Variants in TTBK2 observed in about 807,000 individuals in gnomAD.
TTBK2 encodes the protein tau-tubulin kinase 2.
In TTBK2, 28 loss-of-function variants were observed where a neutral mutation model predicts 110.8. That is an observed-to-expected ratio of 0.25 (90% CI 0.19 to 0.35). TTBK2 has a LOEUF of 0.35. Ranked by LOEUF, TTBK2 falls within the 10% of genes least tolerant of loss-of-function variation. The pLI is 1.00. For synonymous variants in TTBK2, 532 were observed against 527.3 expected (o/e 1.01, Z -0.12); for missense variants, 1,369 against 1,500.3 (o/e 0.91, Z 1.45).
At chr15:42,782,427 T>C (rs1292516438) in intron 11 of TTBK2, among the ~76,000 whole-genome samples, 1 of 152,196 alleles carries the variant, frequency 6.6e-6, no homozygotes, top group Non-Finnish European at 1.5e-5. Flanking sequence ...CCATAAGACA[T>C]GTTCCCAACT....
intron 1 of TTBK2, among the ~76,000 whole-genome samples, chr15:42,880,828 T>C (rs1486739266): frequency 6.6e-6 from 1 of 151,458 alleles, no homozygotes; most frequent in Non-Finnish European, 1.5e-5. Flanking sequence ...TAAAAAACAC[T>C]AAAAATAAAG....
chr15:42,745,844 G>A lies in TTBK2; in HGVS notation c.3686C>T (p.Thr1229Ile), dbSNP rs1227379792. 4 of 1,614,156 alleles carry A rather than the reference G, an allele frequency of 2.5e-6. No homozygotes were observed. The highest frequency in any genetic ancestry group is 2.5e-6 in the Non-Finnish European group (3 of 1,180,030). ...SGSLHHHSAS[T>I]KTPQGKSKPA... The stretch of plus-strand genomic sequence containing the variant: ...CTTACTCTTCCCTTGGGGGGTTTTA[G>A]TGCTGGCTGAGTGGTGGTGGAGGCT... Residue 1229 changes from threonine to isoleucine, a missense_variant, in exon 15 of 15, where the codon ACT (threonine) becomes ATT (isoleucine). Physicochemically the swap from Thr to Ile is moderately conservative, Grantham distance 89. Around this residue, in one of 4 missense-constraint regions of TTBK2, gnomAD observed 1,097 missense variants for 1,114.7 expected, o/e 0.98. Coordinates refer to ENST00000267890, the MANE Select transcript of TTBK2 (RefSeq NM_173500.4).
intron 1 of TTBK2, among the ~76,000 whole-genome samples, chr15:42,888,378 T>A (rs1302493862): frequency 1.3e-5 from 2 of 152,042 alleles, no homozygotes; most frequent in African/African-American, 2.4e-5. Context: ...CGTGACTGTA[T>A]CTCTCTGATA....
At chr15:42,917,081 G>A (rs2031120678) in intron 1 of TTBK2, among the ~76,000 whole-genome samples, 1 of 152,040 alleles carries the variant, frequency 6.6e-6, no homozygotes, top group African/African-American at 2.4e-5. Flanking sequence ...TCTTTAGGAG[G>A]CACTATTACA....
chr15:42,808,732 T>C, intron 9 of TTBK2, among the ~76,000 whole-genome samples: 1 of 151,152 alleles, frequency 6.6e-6, no homozygotes, highest in African/African-American at 2.4e-5. Context: ...CACTTGTAGA[T>C]CAAGCTACTC....
At chr15:42,915,422 C>T (rs764470503) in intron 1 of TTBK2, among the ~76,000 whole-genome samples, 36 of 152,150 alleles carry the variant, frequency 2.4e-4, no homozygotes, top group African/African-American at 8.0e-4. Flanking sequence ...TGGCATATTA[C>T]GATAACTGTT....
rs1270693731 is a variant in TTBK2, at chr15:42,853,058, T to A, written c.218-12625A>T. 2.6e-5 allele frequency among the ~76,000 whole-genome samples: 4 copies of A among 152,160 alleles called. No homozygotes were observed. The East Asian group carries it at 5.8e-4, about 22-fold the overall frequency. On this transcript the variant is annotated intron_variant, in intron 3 of 14. Coordinates refer to ENST00000267890, the MANE Select transcript of TTBK2 (RefSeq NM_173500.4). Reference sequence around the variant, plus strand: ...TCCAGAAATTACATATTTCTTCTATTCTTATGACTGGGAAAAAGGAGCAGT... The same window carrying A: ...TCCAGAAATTACATATTTCTTCTATACTTATGACTGGGAAAAAGGAGCAGT...
At chr15:42,810,833 G>T (rs1441502996) in intron 8 of TTBK2, 94 bp from the exon 9 acceptor site, 4 of 1,415,580 alleles carry the variant, frequency 2.8e-6, no homozygotes, top group Non-Finnish European at 4.0e-6. Context: ...TATGTACTAG[G>T]GAATGAGATA....
chr15:42,772,549 G>T (rs1325335630), intron 13 of TTBK2, among the ~76,000 whole-genome samples: 1 of 152,188 alleles, frequency 6.6e-6, no homozygotes, highest in Non-Finnish European at 1.5e-5. Flanking sequence ...GTTTAACGAT[G>T]CTAAATTTGG....
intron 1 of TTBK2, among the ~76,000 whole-genome samples, chr15:42,883,061 T>C (rs1374667267): frequency 1.3e-5 from 2 of 152,062 alleles, no homozygotes; most frequent in Admixed American, 6.6e-5. Flanking sequence ...GGATTTCCAA[T>C]GTAAACAGAT....
rs764592156 is a variant in TTBK2 at position 42,746,015 on chromosome 15, C to A, written c.3515G>T (p.Gly1172Val). The change falls in exon 15 of 15, where the codon GGA (glycine) becomes GTA (valine). Residue 1172 changes from glycine to valine, a missense_variant. Transcript: ENST00000267890. ...ACTCCTCTGGTCATGGTGGGGCCGT[C>A]CAGCCCTAGATGGTGAGGAACTAGA... ...RTSSSSPSRAGRPHHDQRSSS... is the reference protein window; with the variant it reads ...RTSSSSPSRAVRPHHDQRSSS... The A allele has an allele frequency of 6.8e-6, 11 of 1,614,064 alleles. No individual in the cohort carries two copies. The highest frequency in any genetic ancestry group is 8.5e-6 in the Non-Finnish European group (10 of 1,180,052).
chr15:42,825,172 A>G (rs1181018042), intron 6 of TTBK2, among the ~76,000 whole-genome samples: 2 of 152,118 alleles, frequency 1.3e-5, no homozygotes, highest in Non-Finnish European at 2.9e-5. Flanking sequence ...GAAGAGGGAG[A>G]GAGGCACTGG....
In TTBK2 at chr15:42,752,290, T is replaced by A; in HGVS notation, c.2956A>T (p.Arg986Ter). Residue 986 changes from arginine (R) to a stop codon, truncating the protein, a stop_gained, in exon 14 of 15, where the codon AGA becomes TGA. Coordinates refer to ENST00000267890, the MANE Select transcript of TTBK2 (RefSeq NM_173500.4). LOFTEE classifies it high-confidence loss of function. ...PDLVKLLVEK[R>*]QFKSFLGDLS... ...TCGCCAAGGAAGGACTTGAATTGTCTTTTTTCCACCAGAAGCTTGACTAGG... is the reference window on the plus strand; with the variant it reads ...TCGCCAAGGAAGGACTTGAATTGTCATTTTTCCACCAGAAGCTTGACTAGG... The A allele has an allele frequency of 6.2e-7, 1 of 1,614,196 alleles. No homozygotes were observed. Among genetic ancestry groups the A allele is most frequent in the African/African-American group, 1.3e-5 (1 of 75,050 alleles).
At chr15:42,881,496 T>C (rs759688828) in intron 1 of TTBK2, among the ~76,000 whole-genome samples, 53 of 151,382 alleles carry the variant, frequency 3.5e-4, no homozygotes, top group Non-Finnish European at 6.6e-4. Context: ...TCAGGAAAAA[T>C]ATTCCAAAAA....
chr15:42,739,965 T>C lies in TTBK2; in HGVS notation c.*5830A>G, dbSNP rs924993500. On this transcript the variant is annotated 3_prime_UTR_variant, in exon 15 of 15. Coordinates refer to ENST00000267890, the MANE Select transcript of TTBK2 (RefSeq NM_173500.4). ...AAAAACTTGGTTTACTCAATGTTTT[T>C]AATTAGGCGAGTGAACACTTATGTA... 3.3e-5 allele frequency: 5 copies of C among 152,228 alleles called. No homozygotes were observed. Among genetic ancestry groups the C allele is most frequent in the Admixed American group, 6.5e-5 (1 of 15,272 alleles). The allele number at this position is 152,228 out of a possible 1,614,324, so 9.4% of individuals were successfully genotyped here.
At chr15:42,911,496 C>G (rs1047965335) in intron 1 of TTBK2, among the ~76,000 whole-genome samples, 10 of 152,138 alleles carry the variant, frequency 6.6e-5, no homozygotes, top group African/African-American at 2.4e-4. Flanking sequence ...TGGGGTTGGC[C>G]ATGTGATTTG....
chr15:42,919,814 T>G, intron 1 of TTBK2: 1 of 985,448 alleles, frequency 1.0e-6, no homozygotes, highest in Non-Finnish European at 1.2e-6. Flanking sequence ...TAAAGTATCC[T>G]GGCATCCCAA....
rs189986104 is a variant in TTBK2 at position 42,919,814 on chromosome 15, T to C, written c.-68+624A>G. ...AACTTCGCTGTAGAATAAAGTATCC[T>C]GGCATCCCAATGGATTATTTACTTC... is the stretch of plus-strand genomic sequence containing the variant. On this transcript the variant is annotated intron_variant, in intron 1 of 14. Coordinates refer to ENST00000267890, the MANE Select transcript of TTBK2 (RefSeq NM_173500.4). 11 of 985,448 alleles carry C rather than the reference T, an allele frequency of 1.1e-5. No homozygotes were observed. The East Asian group carries it at 9.1e-4, about 81-fold the overall frequency. 61.0% of individuals were successfully genotyped at this position (985,448 alleles called of 1,614,324 possible). A position where few individuals can be genotyped will look rare whatever the true frequency, so the allele number is the denominator to read the frequency against.
At chr15:42,804,220 G>A (rs1023246706) in intron 9 of TTBK2, among the ~76,000 whole-genome samples, 9 of 151,594 alleles carry the variant, frequency 5.9e-5, no homozygotes, top group South Asian at 2.1e-4. Flanking sequence ...TGAGGTGGGC[G>A]GATCACCTGA....
Sources: gnomAD v4.1 joint callset for allele counts (sites outside exome capture counted in the v4.1 genomes callset) on GRCh38, gnomAD v4.1.1 for gene constraint, gnomAD v4.1.1 regional missense constraint, MANE v1.5 for transcripts, NCBI Gene and HGNC (gene_info 2026-07-23, HGNC 2026-07-21) for gene names.